THRB: variants seen among roughly 807,000 people sequenced by gnomAD.
The protein encoded by THRB is thyroid hormone receptor beta.
THRB carries 12 observed loss-of-function variants against 47.8 expected under a neutral mutation model. The ratio of observed to expected loss-of-function variants is 0.25; its 90% CI spans 0.16 to 0.41. The LOEUF is 0.41. Among genes scored for constraint, THRB ranks in the 10% least tolerant of loss-of-function variants. The pLI is 1.00. For synonymous variants in THRB, 218 were observed against 212.2 expected, an observed-to-expected ratio of 1.03 and a Z score of -0.24; for missense variants, 348 against 589.2, an observed-to-expected ratio of 0.59 and a Z score of 4.24.
chr3:24,164,977 C>T (rs774604988), intron 5 of THRB: 6 of 670,146 alleles, frequency 9.0e-6, no homozygotes, highest in African/African-American at 1.8e-5. Flanking sequence ...TAAAATGAAA[C>T]GAAAACAAAC....
chr3:24,231,474 C>A (rs1263322098), intron 3 of THRB, among the ~76,000 whole-genome samples: 2 of 151,966 alleles, frequency 1.3e-5, no homozygotes, highest in African/African-American at 4.8e-5. Context: ...GTACTATTTT[C>A]CTTCAACTAT....
intron 1 of THRB, among the ~76,000 whole-genome samples, chr3:24,423,589 C>T (rs60325252): frequency 0.25 from 37,326 of 151,666 alleles, 5,162 homozygotes; most frequent in East Asian, 0.36. Context: ...TGATGTTGAG[C>T]GCCACTGTTC....
intron 4 of THRB, among the ~76,000 whole-genome samples, chr3:24,205,943 AGAG>A (rs2045290278): frequency 6.6e-6 from 1 of 152,250 alleles, no homozygotes; most frequent in African/African-American, 2.4e-5. Context: ...TTCAACAAGA[AGAG>A]CTAACTATCC....
intron 1 of THRB, among the ~76,000 whole-genome samples, chr3:24,463,496 T>A (rs566216848): frequency 6.6e-6 from 1 of 152,126 alleles, no homozygotes; most frequent in Non-Finnish European, 1.5e-5. Context: ...TCTTGAACTC[T>A]TGGGCTCACC....
rs150110586 is a variant in THRB at position 24,460,946 on chromosome 3, G to T, written c.-261+33706C>A. ...TTCCAAAAGCCTGGAAAGTTGTAAA[G>T]CCCCCCAGAAGTATAAGAGCCTCAC... On this transcript the variant is annotated intron_variant, in intron 1 of 10. Transcript: ENST00000646209. Among the ~76,000 whole-genome samples, 1,233 of 152,236 alleles carry T rather than the reference G, an allele frequency of 8.1e-3. 13 individuals carry two copies. The highest frequency in any genetic ancestry group is 0.027 in the African/African-American group (1,132 of 41,546).
intron 3 of THRB, among the ~76,000 whole-genome samples, chr3:24,267,378 A>G (rs2052769102): frequency 6.6e-6 from 1 of 152,130 alleles, no homozygotes; most frequent in African/African-American, 2.4e-5. Flanking sequence ...CTGAAAAAAA[A>G]AAAAGACTTG....
In THRB at chr3:24,317,631, C is replaced by CAACAA. The variant is rs372240918; in HGVS notation, c.-189+19664_-189+19668dup. Among the ~76,000 whole-genome samples the CAACAA allele has an allele frequency of 9.8e-3, 1,490 of 152,116 alleles. 20 individuals carry two copies. The highest frequency in any genetic ancestry group is 0.032 in the African/African-American group (1,338 of 41,440). On this transcript the variant is annotated intron_variant, in intron 2 of 10. Coordinates refer to ENST00000646209, the MANE Select transcript of THRB (RefSeq NM_001354712.2). ...AAGGCATACAAAACACAACACAACA[C>CAACAA]AACAAAACAAAACAAAAACCTAGTT...
At chr3:24,310,694 A>G (rs1283872545) in intron 2 of THRB, among the ~76,000 whole-genome samples, 4 of 152,162 alleles carry the variant, frequency 2.6e-5, no homozygotes. Context: ...CTCAGTAGAC[A>G]TTTGGCAATG....
chr3:24,253,050 A>T (rs2050825704), intron 3 of THRB, among the ~76,000 whole-genome samples: 1 of 152,342 alleles, frequency 6.6e-6, no homozygotes, highest in Admixed American at 6.5e-5. Context: ...ATACAATACA[A>T]TACAGTGAAT....
At chr3:24,320,387 T>G (rs78416732) in intron 2 of THRB, among the ~76,000 whole-genome samples, 367 of 152,294 alleles carry the variant, frequency 2.4e-3, no homozygotes, top group African/African-American at 7.5e-3. Flanking sequence ...TTTTACTCTT[T>G]CAGTGTTTCT....
intron 1 of THRB, among the ~76,000 whole-genome samples, chr3:24,392,267 G>C (rs1404929139): frequency 6.6e-6 from 1 of 151,958 alleles, no homozygotes; most frequent in East Asian, 1.9e-4. Context: ...TATTGATGTT[G>C]ATACATATTT....
At chr3:24,327,520 A>G (rs996856425) in intron 2 of THRB, among the ~76,000 whole-genome samples, 1 of 152,222 alleles carries the variant, frequency 6.6e-6, no homozygotes, top group Admixed American at 6.5e-5. Context: ...TATTCACTTA[A>G]CCAATAGATA....
At chr3:24,128,918 C>A (rs1575275680) in intron 9 of THRB, among the ~76,000 whole-genome samples, 1 of 116,828 alleles carries the variant, frequency 8.6e-6, no homozygotes, top group Admixed American at 1.2e-4. Context: ...TTTCCATAAA[C>A]AACAAATATG....
intron 1 of THRB, among the ~76,000 whole-genome samples, chr3:24,363,169 C>T (rs1179458805): frequency 6.6e-6 from 1 of 152,062 alleles, no homozygotes; most frequent in Non-Finnish European, 1.5e-5. Context: ...AACTGTATTT[C>T]CTTGGGGGTA....
At chr3:24,174,283 T>C (rs957555007) in intron 5 of THRB, among the ~76,000 whole-genome samples, 6 of 152,236 alleles carry the variant, frequency 3.9e-5, no homozygotes, top group African/African-American at 1.4e-4. Context: ...AGAAATTACA[T>C]ACTTGGACTT....
chr3:24,294,961 A>C lies in THRB; in HGVS notation c.-43+2265T>G, dbSNP rs144161997. Among the ~76,000 whole-genome samples the C allele has an allele frequency of 9.8e-3, 1,491 of 152,334 alleles. 17 individuals carry two copies. The highest frequency in any genetic ancestry group is 0.011 in the Non-Finnish European group (748 of 68,020). ...ACAGGATAGAGATGTCTTCACTGAAATGTAAGAAATCACCTGTGAATTCAA... is the reference window on the plus strand; with the variant it reads ...ACAGGATAGAGATGTCTTCACTGAACTGTAAGAAATCACCTGTGAATTCAA... On this transcript the variant is annotated intron_variant, in intron 3 of 10. Coordinates refer to ENST00000646209, the MANE Select transcript of THRB (RefSeq NM_001354712.2).
intron 1 of THRB, among the ~76,000 whole-genome samples, chr3:24,416,323 C>G (rs1318275066): frequency 1.3e-5 from 2 of 151,812 alleles, no homozygotes; most frequent in African/African-American, 4.8e-5. Context: ...CCAGTAGAAG[C>G]GTTCTCCAGG....
At chr3:24,339,408 A>G (rs1007156973) in intron 1 of THRB, among the ~76,000 whole-genome samples, 4 of 152,154 alleles carry the variant, frequency 2.6e-5, no homozygotes, top group Non-Finnish European at 5.9e-5. Flanking sequence ...AAGAAAGGAG[A>G]GGAGAAGAGT....
chr3:24,171,262 TG>T (rs1338831296), intron 5 of THRB, among the ~76,000 whole-genome samples: 1 of 152,204 alleles, frequency 6.6e-6, no homozygotes, highest in African/African-American at 2.4e-5. Flanking sequence ...CATGCTTTCT[TG>T]GATTGTTGAG....
Sources: gnomAD v4.1 joint callset for allele counts (sites outside exome capture counted in the v4.1 genomes callset) on GRCh38, gnomAD v4.1.1 for gene constraint, MANE v1.5 for transcripts, NCBI Gene and HGNC (gene_info 2026-07-23, HGNC 2026-07-21) for gene names.